The following PREP variants were observed in gnomAD, a reference collection of about 807,000 sequenced individuals.
PREP encodes dJ355L5.1 (prolyl endopeptidase).
Under a neutral mutation model 87.6 loss-of-function variants are expected in PREP, and 29 were observed. That is an observed-to-expected ratio of 0.33 (90% CI 0.25 to 0.45). The LOEUF (loss-of-function observed/expected upper bound fraction) is 0.45. Among genes scored for constraint, PREP ranks in the 20% least tolerant of loss-of-function variants. The pLI is 1.00. For missense variants in PREP, 695 were observed against 886.5 expected (o/e 0.78, Z 2.74); for synonymous variants, 337 against 328.6 (o/e 1.03, Z -0.28).
chr6:105,402,235 G>GTCAC (rs1773450981), intron 1 of PREP, among the ~76,000 whole-genome samples: 1 of 152,116 alleles, frequency 6.6e-6, no homozygotes, highest in Non-Finnish European at 1.5e-5. Flanking sequence ...ACACTATGGG[G>GTCAC]TCACTGCTCC....
chr6:105,387,919 C>G (rs75961419), intron 2 of PREP, among the ~76,000 whole-genome samples: 8,325 of 152,246 alleles, frequency 0.055, 270 homozygotes, highest in Non-Finnish European at 0.076. Context: ...TTACTTATGA[C>G]ACCGCATCCC....
At position 105,383,253 on chromosome 6, in the gene PREP, T is replaced by TA. The variant is rs35025983; in HGVS notation, c.121-5735dup. Among the ~76,000 whole-genome samples the TA allele has an allele frequency of 9.5e-3, 1,303 of 137,754 alleles. 14 individuals carry two copies. Among genetic ancestry groups the TA allele is most frequent in the Admixed American group, 0.032 (445 of 13,764 alleles). 90.4% of individuals were successfully genotyped at this position (137,754 alleles called of 152,430 possible). ...ATCTATGCCAAGGAATCTCTACCAT[T>TA]AAAAAAAAAAAAAAAAGAGTGCTCG... is the stretch of plus-strand genomic sequence containing the variant. On this transcript the variant is annotated intron_variant, in intron 2 of 14. Transcript: ENST00000652536.
intron 7 of PREP, 69 bp from the exon 8 acceptor site, chr6:105,333,574 A>T: frequency 1.4e-6 from 2 of 1,474,132 alleles, no homozygotes; most frequent in Non-Finnish European, 1.9e-6. Flanking sequence ...GTGTGTAGGG[A>T]GGGGAGGGTG....
intron 10 of PREP, among the ~76,000 whole-genome samples, chr6:105,305,418 C>G (rs1232592109): frequency 6.6e-6 from 1 of 152,124 alleles, no homozygotes; most frequent in Non-Finnish European, 1.5e-5. Context: ...AATCAGGAAG[C>G]TGGCATAACT....
intron 2 of PREP, among the ~76,000 whole-genome samples, chr6:105,391,091 C>T (rs1374385478): frequency 2.0e-5 from 3 of 149,224 alleles, no homozygotes; most frequent in Non-Finnish European, 3.0e-5. Flanking sequence ...GAGACAAAGG[C>T]CGGGTGCGGT....
Position 105,274,456 on chromosome 6 carries a change from C to G in PREP, c.*3688G>C, listed in dbSNP as rs77572601. Among the ~76,000 whole-genome samples the G allele has an allele frequency of 8.1e-4, 124 of 152,304 alleles. 1 individual carries two copies. The East Asian group carries it at 0.022, about 27-fold the overall frequency. ...ACATTTCGGGGAGGACATAAACACT[C>G]AGACAACAGCAGTAAGAGAGCTGTT... is the stretch of plus-strand genomic sequence containing the variant. On this transcript the variant is annotated 3_prime_UTR_variant, in exon 15 of 15. Coordinates refer to ENST00000652536, the MANE Select transcript of PREP (RefSeq NM_002726.5).
chr6:105,331,353 C>A (rs1771329757), intron 8 of PREP, among the ~76,000 whole-genome samples: 3 of 152,200 alleles, frequency 2.0e-5, no homozygotes, highest in Admixed American at 2.0e-4. Context: ...CATTTCATTA[C>A]ATCTATAAGA....
At position 105,392,417 on chromosome 6, in the gene PREP, T is replaced by TTATA. The variant is rs1284195475; in HGVS notation, c.120+5432_120+5435dup. ...TACCATGGTTACTCTGATATCCCAT[T>TTATA]TATACCAGTGAAATTACACTGTGGT... On this transcript the variant is annotated intron_variant, in intron 2 of 14. Coordinates refer to ENST00000652536, the MANE Select transcript of PREP (RefSeq NM_002726.5). 5.9e-5 allele frequency among the ~76,000 whole-genome samples: 9 copies of TTATA among 152,308 alleles called. No homozygotes were observed. The South Asian group carries it at 8.3e-4, about 14-fold the overall frequency.
chr6:105,392,043 C>CTTT (rs201604035), intron 2 of PREP, among the ~76,000 whole-genome samples: 5 of 123,250 alleles, frequency 4.1e-5, no homozygotes, highest in South Asian at 2.7e-4. Flanking sequence ...GTCTTCAAAT[C>CTTT]TTTTTTTTTT....
intron 7 of PREP, among the ~76,000 whole-genome samples, chr6:105,344,888 G>A (rs1771757466): frequency 6.6e-6 from 1 of 152,168 alleles, no homozygotes; most frequent in Non-Finnish European, 1.5e-5. Flanking sequence ...ACAGAACGGT[G>A]TACATTATTG....
At chr6:105,308,395 T>C (rs776437940) in intron 10 of PREP, among the ~76,000 whole-genome samples, 10 of 152,192 alleles carry the variant, frequency 6.6e-5, no homozygotes, top group Non-Finnish European at 1.3e-4. Context: ...TGCAACAACC[T>C]AGAGTTGGAG....
Position 105,276,782 on chromosome 6 carries a change from A to C in PREP, c.*1362T>G, listed in dbSNP as rs1769941681. Among the ~76,000 whole-genome samples, 3 of 152,340 alleles carry C rather than the reference A, an allele frequency of 2.0e-5. No homozygotes were observed. ...TGCTTGGTATGCAGTGATATGCTTG[A>C]TAGAAAATGGTATGTCTAATTTTTG... is the stretch of plus-strand genomic sequence containing the variant. On this transcript the variant is annotated 3_prime_UTR_variant, in exon 15 of 15. Coordinates refer to ENST00000652536, the MANE Select transcript of PREP (RefSeq NM_002726.5).
At chr6:105,339,897 C>A (rs183299850) in intron 7 of PREP, among the ~76,000 whole-genome samples, 1 of 152,096 alleles carries the variant, frequency 6.6e-6, no homozygotes, top group African/African-American at 2.4e-5. Context: ...GTGAAAAGAT[C>A]AAATGTGGTC....
chr6:105,353,113 T>C (rs1036991841), intron 6 of PREP, 36 bp from the exon 7 acceptor site: 2 of 1,476,380 alleles, frequency 1.4e-6, no homozygotes, highest in Non-Finnish European at 1.9e-6. Flanking sequence ...GGGGACTAAT[T>C]AGAATTTATT....
intron 10 of PREP, chr6:105,302,588 T>C: frequency 2.3e-6 from 1 of 428,944 alleles, no homozygotes; most frequent in South Asian, 1.9e-5. Flanking sequence ...GTCCAGGGGC[T>C]TGTACCTCTT....
At chr6:105,370,295 T>G (rs555973769) in intron 5 of PREP, among the ~76,000 whole-genome samples, 1 of 102,200 alleles carries the variant, frequency 9.8e-6, no homozygotes, top group African/African-American at 4.6e-5. Flanking sequence ...AGAGTGAGAC[T>G]CCATCTCAAA....
At chr6:105,394,264 C>T (rs1180366561) in intron 2 of PREP, among the ~76,000 whole-genome samples, 2 of 152,064 alleles carry the variant, frequency 1.3e-5, no homozygotes, top group African/African-American at 4.8e-5. Flanking sequence ...AAATATCATT[C>T]AAAATAACAA....
At chr6:105,284,083 T>C (rs1770135812) in intron 12 of PREP, among the ~76,000 whole-genome samples, 1 of 152,224 alleles carries the variant, frequency 6.6e-6, no homozygotes, top group Non-Finnish European at 1.5e-5. Context: ...ACATATGGTA[T>C]ACAGAAATTT....
intron 6 of PREP, among the ~76,000 whole-genome samples, chr6:105,364,507 C>CGACAGCAACCAGACAGCAAGCCT: frequency 6.6e-6 from 1 of 152,144 alleles, no homozygotes; most frequent in Non-Finnish European, 1.5e-5. Flanking sequence ...GGGAGGTTGA[C>CGACAGCAACCAGACAGCAAGCCT]GACAGCAAGC....
Sources: allele counts gnomAD v4.1 joint callset (sites outside exome capture counted in the v4.1 genomes callset), GRCh38; gene constraint gnomAD v4.1.1; transcripts MANE v1.5; gene names NCBI Gene and HGNC (gene_info 2026-07-23, HGNC 2026-07-21).